NCBP3: variants seen among roughly 807,000 people sequenced by gnomAD.
The protein encoded by NCBP3 is nuclear cap-binding protein subunit 3.
In NCBP3, 20 loss-of-function variants were observed where a neutral mutation model predicts 75.7. The observed-to-expected ratio is 0.26, with a 90% CI of 0.19 to 0.38. The LOEUF (loss-of-function observed/expected upper bound fraction) is 0.38. NCBP3 is among the 10% of genes least tolerant of loss of function. NCBP3 has a pLI of 1.00. For missense variants in NCBP3, 678 were observed against 796.9 expected (o/e 0.85, Z 1.80); for synonymous variants, 293 against 290.5 (o/e 1.01, Z -0.09).
chr17:3,814,934 C>G (rs905624478), intron 11 of NCBP3, among the ~76,000 whole-genome samples: 6 of 152,032 alleles, frequency 3.9e-5, no homozygotes, highest in Non-Finnish European at 8.8e-5. Context: ...CCCTCAATCC[C>G]CCCAGAAATC....
chr17:3,841,869 G>A (rs563548179), intron 2 of NCBP3, among the ~76,000 whole-genome samples: 8 of 149,608 alleles, frequency 5.3e-5, no homozygotes, highest in South Asian at 2.1e-4. Context: ...AGGAAGGCAC[G>A]AAATATATTT....
rs374227492 is a variant in NCBP3, at chr17:3,824,488, TATACACATAC to T, written c.796+444_796+453del. On this transcript the variant is annotated intron_variant, in intron 7 of 12. Transcript: ENST00000389005. ...CGCGATACATACATACATATACATA[TATACACATAC>T]ATACACATACATATATACACATACA... is the stretch of plus-strand genomic sequence containing the variant. 157 of 156,712 alleles carry T rather than the reference TATACACATAC, an allele frequency of 1.0e-3. 1 individual carries two copies. The East Asian group carries it at 0.012, about 12-fold the overall frequency. The allele number at this position is 156,712 out of a possible 1,614,324, so 9.7% of individuals were successfully genotyped here.
Position 3,818,601 on chromosome 17 carries a change from G to A in NCBP3, c.1001-29C>T, listed in dbSNP as rs760440416. The A allele has an allele frequency of 2.5e-6, 4 of 1,569,158 alleles. No homozygotes were observed. In the African/African-American group the frequency reaches 5.4e-5, roughly 21 times the overall value. On this transcript the variant is annotated intron_variant, in intron 9 of 12. Transcript: ENST00000389005. This position sits in a 1 kb window ranked among gnomAD's most constrained non-coding sequence, Gnocchi z 4.7. ...AAGAAATTTAACCAGAAAACATTAG[G>A]AAAAGCACTAAAATTAACAAGTATG... is the stretch of plus-strand genomic sequence containing the variant.
chr17:3,812,360 G>A lies in NCBP3; in HGVS notation c.*684C>T, dbSNP rs1244953045. The A allele has an allele frequency of 6.6e-6, 2 of 303,436 alleles. No individual in the cohort carries two copies. The highest frequency in any genetic ancestry group is 4.5e-5 in the African/African-American group (2 of 44,302). The allele number at this position is 303,436 out of a possible 1,614,324, so 18.8% of individuals were successfully genotyped here. ...ATCAACCCCAAATCCAGACGTCACA[G>A]TTTTTTGTTCCTAAAAATCCCACAG... On this transcript the variant is annotated 3_prime_UTR_variant, in exon 13 of 13. Coordinates refer to ENST00000389005, the MANE Select transcript of NCBP3 (RefSeq NM_001114118.3).
intron 1 of NCBP3, 74 bp from the exon 2 acceptor site, chr17:3,843,225 T>C (rs893202483): frequency 6.0e-5 from 66 of 1,107,804 alleles, no homozygotes; most frequent in Non-Finnish European, 5.2e-5. Flanking sequence ...CGGCCTGACA[T>C]CTGCAGGTTC....
rs570647930 is a variant in NCBP3 at position 3,841,331 on chromosome 17, A to G, written c.250-1126T>C. Among the ~76,000 whole-genome samples, 25 of 152,230 alleles carry G rather than the reference A, an allele frequency of 1.6e-4. 2 individuals carry two copies. In the South Asian group the frequency reaches 4.6e-3, roughly 28 times the overall value. On this transcript the variant is annotated intron_variant, in intron 2 of 12. Coordinates refer to ENST00000389005, the MANE Select transcript of NCBP3 (RefSeq NM_001114118.3). Reference sequence around the variant, plus strand: ...ACTAATTGAAGGTCTGACTACAGAGAGCTTGTGGGGATTGGTAAAGTTGCA... The same window carrying G: ...ACTAATTGAAGGTCTGACTACAGAGGGCTTGTGGGGATTGGTAAAGTTGCA...
chr17:3,843,293 C>A (rs559097056), intron 1 of NCBP3, 142 bp from the exon 2 acceptor site: 7 of 667,334 alleles, frequency 1.0e-5, no homozygotes, highest in Non-Finnish European at 2.5e-6. Flanking sequence ...TTGCCCAGGC[C>A]GGAGTGCAGT....
At chr17:3,827,367 C>A (rs1597404153) in intron 4 of NCBP3, among the ~76,000 whole-genome samples, 2 of 152,200 alleles carry the variant, frequency 1.3e-5, no homozygotes, top group African/African-American at 4.8e-5. Flanking sequence ...CCCTTTGCTG[C>A]TCCTTGTCAG....
At chr17:3,837,503 T>C (rs1041835451) in intron 3 of NCBP3, among the ~76,000 whole-genome samples, 2 of 143,258 alleles carry the variant, frequency 1.4e-5, no homozygotes, top group African/African-American at 5.3e-5. Flanking sequence ...AAAAAAATGC[T>C]GGGCAGTGGC....
intron 1 of NCBP3, among the ~76,000 whole-genome samples, chr17:3,843,713 A>AT (rs1291853988): frequency 2.6e-5 from 4 of 151,992 alleles, no homozygotes; most frequent in African/African-American, 9.7e-5. Context: ...CCGCCAGCTA[A>AT]TTTTTTTATT....
At chr17:3,816,893 C>T (rs1189723303) in intron 10 of NCBP3, among the ~76,000 whole-genome samples, 2 of 151,968 alleles carry the variant, frequency 1.3e-5, no homozygotes, top group South Asian at 2.1e-4. Flanking sequence ...ATTAGCTGGG[C>T]GTGGTGGCCT....
intron 3 of NCBP3, among the ~76,000 whole-genome samples, chr17:3,831,982 G>A (rs1431113267): frequency 1.7e-5 from 2 of 119,390 alleles, no homozygotes; most frequent in Admixed American, 8.4e-5. Context: ...TCAGGAGTTC[G>A]AGATCAGCCT....
rs2143608556 is a variant in NCBP3, at chr17:3,804,623, A to C, written c.*8421T>G. ...TGAGGCACAGCCTTCAGACACAGGAAATGGTTCTATTCTCCCACTTGCCTT... is the reference window on the plus strand; with the variant it reads ...TGAGGCACAGCCTTCAGACACAGGACATGGTTCTATTCTCCCACTTGCCTT... On this transcript the variant is annotated 3_prime_UTR_variant, in exon 13 of 13. Coordinates refer to ENST00000389005, the MANE Select transcript of NCBP3 (RefSeq NM_001114118.3). 6.6e-6 allele frequency: 1 copy of C among 152,340 alleles called. No individual in the cohort carries two copies. The highest frequency in any genetic ancestry group is 3.4e-3 in the Middle Eastern group (1 of 296). The allele number at this position is 152,340 out of a possible 1,614,324, so 9.4% of individuals were successfully genotyped here. A position where few individuals can be genotyped will look rare whatever the true frequency, so the allele number is the denominator to read the frequency against.
At chr17:3,841,784 G>C (rs1442326635) in intron 2 of NCBP3, among the ~76,000 whole-genome samples, 4 of 135,342 alleles carry the variant, frequency 3.0e-5, no homozygotes, top group African/African-American at 1.1e-4. Flanking sequence ...AGTGAGCCGT[G>C]ATCGCACCCC....
At position 3,840,115 on chromosome 17, in the gene NCBP3, C is replaced by G. The variant is rs2054038554; in HGVS notation, c.340G>C (p.Asp114His). The change falls in exon 3 of 13, where the codon GAC (aspartate) becomes CAC (histidine). Residue 114 changes from aspartate to histidine, a missense_variant. Around this residue, in one of 7 missense-constraint regions of NCBP3, gnomAD observed 40 missense variants for 41.3 expected, o/e 0.97. Transcript: ENST00000389005. ...CACCCTGTACCTTTCTTCATCATGT[C>G]TCGGTCCAAGGCTACATTTCTTTGG... ...LAQRNVALDR[D>H]MMKKAIPKVR... is the part of the protein sequence containing the mutation. The G allele has an allele frequency of 6.4e-7, 1 of 1,551,544 alleles. No homozygotes were observed.
rs1452760361 is a variant in NCBP3 at position 3,818,625 on chromosome 17, T to C, written c.1001-53A>G. ...GGAAAAGCACTAAAATTAACAAGTA[T>C]GATTTTCTACTCTACATCGGTGACC... is the stretch of plus-strand genomic sequence containing the variant. On this transcript the variant is annotated intron_variant, in intron 9 of 12. Coordinates refer to ENST00000389005, the MANE Select transcript of NCBP3 (RefSeq NM_001114118.3). The surrounding 1 kb of genome is among the most constrained non-coding windows in gnomAD (Gnocchi z 4.7). 18 of 1,544,878 alleles carry C rather than the reference T, an allele frequency of 1.2e-5. No homozygotes were observed. The highest frequency in any genetic ancestry group is 6.7e-5 in the East Asian group (3 of 44,470).
Position 3,826,328 on chromosome 17 carries a change from C to G in NCBP3, c.482-113G>C, listed in dbSNP as rs878890120. On this transcript the variant is annotated intron_variant, in intron 4 of 12. Transcript: ENST00000389005. ...GCCTCATCTAGCAACAGATTATCAT[C>G]AGTAAATATACAAACCAACTAATGA... The G allele has an allele frequency of 1.3e-5, 13 of 1,037,226 alleles. No homozygotes were observed. In the South Asian group the frequency reaches 2.2e-4, roughly 18 times the overall value. The allele number at this position is 1,037,226 out of a possible 1,614,324, so 64.3% of individuals were successfully genotyped here. A position where few individuals can be genotyped will look rare whatever the true frequency, so the allele number is the denominator to read the frequency against.
In NCBP3 at chr17:3,807,074, C is replaced by T. The variant is rs940614420; in HGVS notation, c.*5970G>A. The T allele has an allele frequency of 5.3e-5, 8 of 152,214 alleles. No homozygotes were observed. Among genetic ancestry groups the T allele is most frequent in the African/African-American group, 1.9e-4 (8 of 41,454 alleles). 9.4% of individuals were successfully genotyped at this position (152,214 alleles called of 1,614,324 possible). On this transcript the variant is annotated 3_prime_UTR_variant, in exon 13 of 13. Coordinates refer to ENST00000389005, the MANE Select transcript of NCBP3 (RefSeq NM_001114118.3). The stretch of plus-strand genomic sequence containing the variant: ...GTTAGCATCTCACCGTAACTTAATG[C>T]TTCGAGTGAGAAGTTTGAGGAATGC...
In NCBP3 at chr17:3,843,074, A is replaced by C. The variant is rs760994533; in HGVS notation, c.249+12T>G. The C allele has an allele frequency of 6.5e-7, 1 of 1,545,626 alleles. No individual in the cohort carries two copies. Among genetic ancestry groups the C allele is most frequent in the African/African-American group, 1.4e-5 (1 of 72,916 alleles). ...TTATCAAGCTGAATAAATAAATCAT[A>C]GCCTGTCTTACCTTGGAGGTGACAT... On this transcript the variant is annotated intron_variant, in intron 2 of 12. Transcript: ENST00000389005.
Sources: allele counts gnomAD v4.1 joint callset (sites outside exome capture counted in the v4.1 genomes callset), GRCh38; gene constraint gnomAD v4.1.1; regional missense constraint gnomAD v4.1.1; non-coding constraint Gnocchi (gnomAD v3.1); transcripts MANE v1.5; gene names NCBI Gene and HGNC (gene_info 2026-07-23, HGNC 2026-07-21).